Variants in MARCHF3 observed in about 807,000 individuals in gnomAD.
MARCHF3 encodes the protein E3 ubiquitin-protein ligase MARCHF3.
A neutral mutation model predicts 24.2 loss-of-function variants in MARCHF3; 13 were observed. The ratio of observed to expected loss-of-function variants is 0.54; its 90% CI spans 0.35 to 0.85. The LOEUF (loss-of-function observed/expected upper bound fraction) is 0.85. MARCHF3 is among the 40% of genes least tolerant of loss of function. MARCHF3 has a pLI of 0.01. For synonymous variants in MARCHF3, 144 were observed against 137.3 expected, an observed-to-expected ratio of 1.05 and a Z score of -0.34; for missense variants, 276 against 325.0, an observed-to-expected ratio of 0.85 and a Z score of 1.16.
At chr5:126,995,955 A>T (rs1490844266) in intron 1 of MARCHF3, among the ~76,000 whole-genome samples, 2 of 152,224 alleles carry the variant, frequency 1.3e-5, no homozygotes, top group African/African-American at 4.8e-5. Context: ...ACAATCTGGG[A>T]AGGTGGAATT....
chr5:127,025,967 G>A lies in MARCHF3; in HGVS notation c.-57+4383C>T, dbSNP rs1752982072. ...TGGAAGAACTGGGAGATGTTAAGAG[G>A]GCAGACTGATTTAAAAAGTGAATTT... On this transcript the variant is annotated intron_variant, in intron 1 of 4. Coordinates refer to ENST00000308660, the MANE Select transcript of MARCHF3 (RefSeq NM_178450.5). Among the ~76,000 whole-genome samples, 4 of 152,058 alleles carry A rather than the reference G, an allele frequency of 2.6e-5. No individual in the cohort carries two copies. In the South Asian group the frequency reaches 8.3e-4, roughly 31 times the overall value.
intron 1 of MARCHF3, among the ~76,000 whole-genome samples, chr5:127,005,221 C>T (rs1339031103): frequency 6.6e-6 from 1 of 150,396 alleles, no homozygotes; most frequent in African/African-American, 2.5e-5. Flanking sequence ...ACTGCAACCT[C>T]CATCACCCGG....
intron 1 of MARCHF3, among the ~76,000 whole-genome samples, chr5:127,006,840 G>A (rs1014959226): frequency 7.9e-5 from 12 of 152,080 alleles, no homozygotes; most frequent in African/African-American, 1.2e-4. Context: ...CATTAGTAAC[G>A]TCCCGCAGCC....
chr5:126,878,518 T>C, intron 3 of MARCHF3, 124 bp from the exon 4 acceptor site: 27 of 858,084 alleles, frequency 3.1e-5, no homozygotes, highest in Non-Finnish European at 4.8e-5. Flanking sequence ...TTCTGACTTG[T>C]TATGAGATAA....
chr5:126,941,629 T>C (rs1334224301), intron 1 of MARCHF3, among the ~76,000 whole-genome samples: 2 of 152,166 alleles, frequency 1.3e-5, no homozygotes, highest in African/African-American at 4.8e-5. Context: ...TGCATTAAAG[T>C]AAGATTCTAG....
At chr5:126,890,608 G>A (rs1348340086) in intron 3 of MARCHF3, among the ~76,000 whole-genome samples, 2 of 151,812 alleles carry the variant, frequency 1.3e-5, no homozygotes, top group African/African-American at 4.9e-5. Context: ...CCCTACAAAG[G>A]GCATGAACTC....
intron 3 of MARCHF3, among the ~76,000 whole-genome samples, chr5:126,879,376 G>C (rs1195740077): frequency 6.6e-6 from 1 of 152,128 alleles, no homozygotes; most frequent in African/African-American, 2.4e-5. Context: ...ACCAAACACG[G>C]AATAATACTC....
At chr5:126,872,716 T>C (rs1027349559) in intron 4 of MARCHF3, among the ~76,000 whole-genome samples, 2 of 152,198 alleles carry the variant, frequency 1.3e-5, no homozygotes, top group African/African-American at 2.4e-5. Flanking sequence ...AGGCCACTTA[T>C]TCAAATTTCT....
chr5:126,946,104 C>T (rs1272756435), intron 1 of MARCHF3, among the ~76,000 whole-genome samples: 2 of 152,072 alleles, frequency 1.3e-5, no homozygotes, highest in Non-Finnish European at 2.9e-5. Flanking sequence ...AGCGTGGTAG[C>T]TCACACCTGC....
rs80264633 is a variant in MARCHF3 at position 126,932,405 on chromosome 5, A to G, written c.-56-14178T>C. 1.6e-3 allele frequency among the ~76,000 whole-genome samples: 240 copies of G among 152,372 alleles called. 7 individuals are homozygous for G. In the East Asian group the frequency reaches 0.04, roughly 25 times the overall value. ...GGTTTTAAAGCCCACAGAGTCTTTA[A>G]AGTGTCTTACCCAGTGGGTGCTCGC... is the stretch of plus-strand genomic sequence containing the variant. On this transcript the variant is annotated intron_variant, in intron 1 of 4. Transcript: ENST00000308660.
chr5:126,908,031 C>T (rs906812680), intron 3 of MARCHF3, among the ~76,000 whole-genome samples: 1 of 152,146 alleles, frequency 6.6e-6, no homozygotes, highest in Non-Finnish European at 1.5e-5. Context: ...GACAAAATCT[C>T]TCAGCATTTG....
At chr5:126,966,524 T>C (rs1400915931) in intron 1 of MARCHF3, among the ~76,000 whole-genome samples, 2 of 151,262 alleles carry the variant, frequency 1.3e-5, no homozygotes, top group African/African-American at 4.9e-5. Flanking sequence ...ATTTTGTTTA[T>C]AAATGTCAAG....
chr5:126,954,199 ATTTTTTTTTT>A (rs750262766), intron 1 of MARCHF3, among the ~76,000 whole-genome samples: 3 of 114,068 alleles, frequency 2.6e-5, no homozygotes, highest in African/African-American at 3.5e-5. Context: ...CGCCCGGCTA[ATTTTTTTTTT>A]TTTTTTTTTT....
chr5:127,007,312 A>T lies in MARCHF3; in HGVS notation c.-57+23038T>A, dbSNP rs1028145546. Among the ~76,000 whole-genome samples the T allele has an allele frequency of 2.0e-5, 3 of 151,848 alleles. No individual in the cohort carries two copies. In the East Asian group the frequency reaches 5.8e-4, roughly 29 times the overall value. ...TAGGAGGAAGAACAAATGTTTCCTA[A>T]AGATACATGGATTTTTTTTAACTTG... On this transcript the variant is annotated intron_variant, in intron 1 of 4. Coordinates refer to ENST00000308660, the MANE Select transcript of MARCHF3 (RefSeq NM_178450.5).
chr5:126,897,147 C>T (rs750636164), intron 3 of MARCHF3, among the ~76,000 whole-genome samples: 3 of 151,540 alleles, frequency 2.0e-5, no homozygotes, highest in African/African-American at 4.9e-5. Context: ...TCAAGCGATT[C>T]TCCTGTCTCA....
Position 126,989,146 on chromosome 5 carries a change from G to A in MARCHF3, c.-57+41204C>T, listed in dbSNP as rs556530205. Among the ~76,000 whole-genome samples, 81 of 151,932 alleles carry A rather than the reference G, an allele frequency of 5.3e-4. 1 individual carries two copies. Among genetic ancestry groups the A allele is most frequent in the Non-Finnish European group, 4.7e-4 (32 of 67,952 alleles). On this transcript the variant is annotated intron_variant, in intron 1 of 4. Coordinates refer to ENST00000308660, the MANE Select transcript of MARCHF3 (RefSeq NM_178450.5). Reference sequence around the variant, plus strand: ...ATTAAAAAATTAGCAGAGTATCCTCGTGCACACCTGTACTCCCAGCTACTC... The same window carrying A: ...ATTAAAAAATTAGCAGAGTATCCTCATGCACACCTGTACTCCCAGCTACTC...
chr5:127,018,625 G>C (rs1411557591), intron 1 of MARCHF3, among the ~76,000 whole-genome samples: 3 of 152,140 alleles, frequency 2.0e-5, no homozygotes, highest in Non-Finnish European at 4.4e-5. Context: ...ACCAGAGGTG[G>C]GAATGGGACT....
At chr5:126,964,147 T>C (rs1206964213) in intron 1 of MARCHF3, among the ~76,000 whole-genome samples, 1 of 152,192 alleles carries the variant, frequency 6.6e-6, no homozygotes, top group Admixed American at 6.5e-5. Flanking sequence ...GCATTCTTTT[T>C]CTCTTCCCCC....
At chr5:126,888,296 T>C (rs551342117) in intron 3 of MARCHF3, among the ~76,000 whole-genome samples, 1 of 152,196 alleles carries the variant, frequency 6.6e-6, no homozygotes, top group Non-Finnish European at 1.5e-5. Context: ...TGATGCTCCC[T>C]GGAGGACTTA....
Sources: gnomAD v4.1 joint callset for allele counts (sites outside exome capture counted in the v4.1 genomes callset) on GRCh38, gnomAD v4.1.1 for gene constraint, MANE v1.5 for transcripts, NCBI Gene and HGNC (gene_info 2026-07-23, HGNC 2026-07-21) for gene names.